COL4A5: variants seen among roughly 807,000 people sequenced by gnomAD.
COL4A5 encodes the protein collagen alpha-5(IV) chain.
In COL4A5, 26 loss-of-function variants were observed where a neutral mutation model predicts 130.2. The ratio of observed to expected loss-of-function variants is 0.20; its 90% CI spans 0.15 to 0.28. The LOEUF (loss-of-function observed/expected upper bound fraction) is 0.28, where lower values mean the gene tolerates loss of function less well. Among genes scored for constraint, COL4A5 ranks in the 10% least tolerant of loss-of-function variants. The pLI is 1.00. For missense variants in COL4A5, 1,131 were observed against 1,344.3 expected (o/e 0.84, Z 2.48); for synonymous variants, 496 against 439.6 (o/e 1.13, Z -1.60).
intron 1 of COL4A5, among the ~76,000 whole-genome samples, chrX:108,511,665 A>G (rs1356637105): frequency 8.9e-6 from 1 of 111,971 alleles, no homozygotes; most frequent in African/African-American, 3.2e-5. Flanking sequence ...TCACCTTTAT[A>G]GTCAATTGTT....
chrX:108,501,769 G>A lies in COL4A5; in HGVS notation c.82-37977G>A, dbSNP rs2065081235. On this transcript the variant is annotated intron_variant, in intron 1 of 52. Coordinates refer to ENST00000328300, the MANE Select transcript of COL4A5 (RefSeq NM_033380.3). ...TTTGTGGGGAACATTTCATGTCTTA[G>A]TGCTTTTTGTAATGTGGGAATTTGG... Among the ~76,000 whole-genome samples, 2 of 111,982 alleles carry A rather than the reference G, an allele frequency of 1.8e-5. 1 individual carries two copies. The highest frequency in any genetic ancestry group is 1.9e-4 in the Admixed American group (2 of 10,549).
intron 1 of COL4A5, among the ~76,000 whole-genome samples, chrX:108,489,949 A>G (rs1301258363): frequency 8.9e-6 from 1 of 111,756 alleles, no homozygotes; most frequent in Admixed American, 9.5e-5. Flanking sequence ...TTTTTAATTT[A>G]AATTTTTATT....
rs757948584 is a variant in COL4A5 at position 108,467,044 on chromosome X, G to GT, written c.81+26846dup. ...TTTAAAATTTCATGAAATCCAATTT[G>GT]TTTTTTTTCCTTTCTTGCTTATGCT... On this transcript the variant is annotated intron_variant, in intron 1 of 52. Transcript: ENST00000328300. Among the ~76,000 whole-genome samples the GT allele has an allele frequency of 1.4e-4, 15 of 110,861 alleles. No homozygotes were observed. The South Asian group carries it at 3.0e-3, about 22-fold the overall frequency.
At chrX:108,540,023 T>G in intron 2 of COL4A5, among the ~76,000 whole-genome samples, 1 of 111,951 alleles carries the variant, frequency 8.9e-6, no homozygotes, top group Middle Eastern at 4.6e-3. Flanking sequence ...TTTTAGGATT[T>G]ATGGGACACA....
At chrX:108,544,947 G>A (rs747836430) in intron 2 of COL4A5, among the ~76,000 whole-genome samples, 1 of 111,685 alleles carries the variant, frequency 9.0e-6, no homozygotes, top group South Asian at 3.8e-4. Flanking sequence ...TGTGGGATCG[G>A]TGGTGATATC....
Position 108,695,680 on chromosome X carries a change from G to T in COL4A5, c.4994+241G>T, listed in dbSNP as rs189398147. The T allele has an allele frequency of 9.6e-5, 36 of 375,216 alleles. No homozygotes were observed. In the Admixed American group the frequency reaches 1.3e-3, roughly 13 times the overall value. 30.9% of individuals were successfully genotyped at this position (375,216 alleles called of 1,213,427 possible). On this transcript the variant is annotated intron_variant, in intron 52 of 52. Transcript: ENST00000328300. The stretch of plus-strand genomic sequence containing the variant: ...AGTAATCCTTCAATAATGAAACAGA[G>T]ATAAAGAAAGGTTATGTGACCTTCC...
intron 37 of COL4A5, among the ~76,000 whole-genome samples, chrX:108,662,040 G>A (rs946812487): frequency 1.2e-4 from 13 of 105,584 alleles, no homozygotes; most frequent in Non-Finnish European, 2.1e-4. Context: ...GTCAGTTAGC[G>A]TTAGGTATAT....
At chrX:108,493,785 C>A (rs1464630474) in intron 1 of COL4A5, among the ~76,000 whole-genome samples, 9 of 89,354 alleles carry the variant, frequency 1.0e-4, no homozygotes, top group African/African-American at 3.3e-4. Flanking sequence ...ATATGGCTTA[C>A]CTTGTATCTC....
intron 1 of COL4A5, among the ~76,000 whole-genome samples, chrX:108,447,204 T>C (rs1263890212): frequency 8.9e-6 from 1 of 111,807 alleles, no homozygotes; most frequent in Non-Finnish European, 1.9e-5. Flanking sequence ...TACCTAGTAT[T>C]GTCCCTAGCT....
chrX:108,643,964 C>T (rs1392880145), intron 36 of COL4A5, among the ~76,000 whole-genome samples: 1 of 111,940 alleles, frequency 8.9e-6, no homozygotes, highest in African/African-American at 3.3e-5. Flanking sequence ...GATAAGAACT[C>T]ACCAACCAAT....
At chrX:108,627,628 G>T (rs2067177426) in intron 36 of COL4A5, 1 of 650,030 alleles carries the variant, frequency 1.5e-6, no homozygotes, top group African/African-American at 2.4e-5. Context: ...TAATTTTTTG[G>T]CTTTTTAAAA....
chrX:108,667,033 C>T (rs1182894200), intron 39 of COL4A5, 100 bp from the exon 40 acceptor site: 15 of 692,651 alleles, frequency 2.2e-5, no homozygotes, highest in Non-Finnish European at 3.5e-5. Flanking sequence ...TACATTGCTG[C>T]ACCTAATGAA....
chrX:108,652,043 T>C (rs1603306096), intron 36 of COL4A5, among the ~76,000 whole-genome samples: 1 of 111,795 alleles, frequency 8.9e-6, no homozygotes, highest in East Asian at 2.8e-4. Flanking sequence ...AGTACAGTAT[T>C]GTTCACCTTA....
chrX:108,566,694 G>A (rs1384558148), intron 4 of COL4A5, among the ~76,000 whole-genome samples: 6 of 110,556 alleles, frequency 5.4e-5, no homozygotes, highest in African/African-American at 2.0e-4. Context: ...GGCTACAGGC[G>A]TCCACCACAA....
chrX:108,534,740 A>G (rs915357570), intron 1 of COL4A5, among the ~76,000 whole-genome samples: 35 of 111,278 alleles, frequency 3.1e-4, no homozygotes, highest in African/African-American at 1.1e-3. Flanking sequence ...GTCTTTTTTG[A>G]TGCTTTTAAG....
intron 1 of COL4A5, among the ~76,000 whole-genome samples, chrX:108,481,595 A>T (rs753329588): frequency 8.9e-6 from 1 of 112,002 alleles, no homozygotes; most frequent in Non-Finnish European, 1.9e-5. Flanking sequence ...AGAACTCTAC[A>T]TGAGTCAGAC....
chrX:108,648,028 T>G (rs1361384045), intron 36 of COL4A5, among the ~76,000 whole-genome samples: 1 of 111,265 alleles, frequency 9.0e-6, no homozygotes, highest in Admixed American at 9.6e-5. Flanking sequence ...TCAAGGATAT[T>G]GGTCTAAAAT....
intron 2 of COL4A5, among the ~76,000 whole-genome samples, chrX:108,548,665 A>G (rs945106362): frequency 2.7e-4 from 30 of 111,555 alleles, no homozygotes; most frequent in African/African-American, 7.1e-4. Context: ...GAAGAAAACT[A>G]TACCTAGGCC....
Position 108,568,824 on chromosome X carries a change from G to T in COL4A5, c.384+3G>T. 1 of 1,202,429 alleles carries T rather than the reference G, an allele frequency of 8.3e-7. No homozygotes were observed. The highest frequency in any genetic ancestry group is 3.0e-5 in the East Asian group (1 of 33,801). ...TTCCCGGATGCAATGGAACCAAGGT[G>T]AGATCCATCCATTTAATCTTGGGTA... On this transcript the variant is annotated splice_donor_region_variant and intron_variant, in intron 6 of 52. Coordinates refer to ENST00000328300, the MANE Select transcript of COL4A5 (RefSeq NM_033380.3).
Sources: gnomAD v4.1 joint callset for allele counts (sites outside exome capture counted in the v4.1 genomes callset) on GRCh38, gnomAD v4.1.1 for gene constraint, MANE v1.5 for transcripts, NCBI Gene and HGNC (gene_info 2026-07-23, HGNC 2026-07-21) for gene names.